Variants in MACROD2 observed in about 807,000 individuals in gnomAD.
MACROD2 encodes the protein mono-ADP ribosylhydrolase 2, also known as ADP-ribose glycohydrolase MACROD2.
MACROD2 carries 36 observed loss-of-function variants against 70.4 expected under a neutral mutation model. That is an observed-to-expected ratio of 0.51 (90% CI 0.39 to 0.68). The LOEUF (loss-of-function observed/expected upper bound fraction) is 0.68, where lower values mean the gene tolerates loss of function less well. Ranked by LOEUF, MACROD2 falls within the 30% of genes least tolerant of loss-of-function variation. The pLI, the probability that MACROD2 is intolerant of heterozygous loss-of-function variation, is 0.00. For synonymous variants in MACROD2, 172 were observed against 178.8 expected, an observed-to-expected ratio of 0.96 and a Z score of 0.30; for missense variants, 496 against 538.4, an observed-to-expected ratio of 0.92 and a Z score of 0.78.
At chr20:14,252,766 A>AT (rs539418188) in intron 3 of MACROD2, among the ~76,000 whole-genome samples, 166 of 151,922 alleles carry the variant, frequency 1.1e-3, no homozygotes, top group African/African-American at 3.8e-3. Flanking sequence ...TTTAAAATGG[A>AT]TTTTTTCTTC....
chr20:15,904,268 C>T (rs746312207), intron 10 of MACROD2, among the ~76,000 whole-genome samples: 2 of 152,188 alleles, frequency 1.3e-5, no homozygotes, highest in African/African-American at 2.4e-5. Context: ...ACCCTCCAGC[C>T]TCGGCCTCCC....
intron 3 of MACROD2, among the ~76,000 whole-genome samples, chr20:14,278,733 A>G (rs199715647): frequency 3.9e-5 from 6 of 152,338 alleles, no homozygotes; most frequent in East Asian, 3.9e-4. Context: ...TCAAAATACT[A>G]TCATTTTGAA....
chr20:15,581,950 C>T (rs1030809455), intron 8 of MACROD2, among the ~76,000 whole-genome samples: 3 of 152,080 alleles, frequency 2.0e-5, no homozygotes, highest in Non-Finnish European at 2.9e-5. Context: ...GGGGAAACCC[C>T]GTCTCTACTA....
intron 5 of MACROD2, among the ~76,000 whole-genome samples, chr20:15,007,278 G>A (rs999492237): frequency 2.6e-4 from 39 of 152,038 alleles, no homozygotes; most frequent in Admixed American, 2.6e-3. Context: ...GCAGGAGAAT[G>A]GCGTGAACCT....
intron 8 of MACROD2, among the ~76,000 whole-genome samples, chr20:15,588,029 G>A (rs1467359580): frequency 1.3e-5 from 2 of 152,206 alleles, no homozygotes; most frequent in Non-Finnish European, 2.9e-5. Flanking sequence ...ACTAGCAGAG[G>A]TTCTCCATGA....
At chr20:15,973,448 G>GA (rs2066260849) in intron 13 of MACROD2, among the ~76,000 whole-genome samples, 1 of 151,976 alleles carries the variant, frequency 6.6e-6, no homozygotes, top group East Asian at 1.9e-4. Context: ...GAATATCTCT[G>GA]AAAAATTGTA....
chr20:15,451,805 C>T (rs1037109149), intron 7 of MACROD2, among the ~76,000 whole-genome samples: 3 of 152,168 alleles, frequency 2.0e-5, no homozygotes, highest in East Asian at 1.9e-4. Context: ...ACAAACTGCT[C>T]GCTCTGCATC....
chr20:14,532,513 A>G (rs58141344), intron 4 of MACROD2, among the ~76,000 whole-genome samples: 15,735 of 152,006 alleles, frequency 0.1, 1,146 homozygotes, highest in South Asian at 0.33. Context: ...TTGAGCCACA[A>G]CTAATCATTT....
At chr20:14,479,142 C>G (rs2084632573) in intron 3 of MACROD2, among the ~76,000 whole-genome samples, 3 of 152,106 alleles carry the variant, frequency 2.0e-5, no homozygotes. Context: ...CTTGTTGAGA[C>G]AGGATGCCTC....
chr20:15,662,781 G>A (rs956813674), intron 8 of MACROD2, among the ~76,000 whole-genome samples: 6 of 150,986 alleles, frequency 4.0e-5, no homozygotes, highest in Non-Finnish European at 7.4e-5. Flanking sequence ...TTTTGAATTA[G>A]TGGCCAATAT....
At chr20:16,007,395 C>T (rs2066803442) in intron 15 of MACROD2, among the ~76,000 whole-genome samples, 1 of 152,156 alleles carries the variant, frequency 6.6e-6, no homozygotes, top group South Asian at 2.1e-4. Flanking sequence ...AAACTGCTGA[C>T]AACACCTTCA....
At chr20:14,724,264 G>A (rs1180516243) in intron 5 of MACROD2, among the ~76,000 whole-genome samples, 1 of 151,874 alleles carries the variant, frequency 6.6e-6, no homozygotes, top group East Asian at 1.9e-4. Context: ...GATTTGATTT[G>A]GGTATCAATC....
intron 6 of MACROD2, among the ~76,000 whole-genome samples, chr20:15,253,750 C>A (rs951487095): frequency 6.6e-6 from 1 of 152,136 alleles, no homozygotes; most frequent in Non-Finnish European, 1.5e-5. Flanking sequence ...AATCTTTATT[C>A]TTGCTTAGTG....
At chr20:15,395,576 C>T (rs1323691509) in intron 6 of MACROD2, among the ~76,000 whole-genome samples, 1 of 152,134 alleles carries the variant, frequency 6.6e-6, no homozygotes, top group Non-Finnish European at 1.5e-5. Context: ...TGAAAGCAGC[C>T]ACAGATAGTA....
At chr20:15,265,887 A>G (rs2077290139) in intron 6 of MACROD2, among the ~76,000 whole-genome samples, 1 of 152,198 alleles carries the variant, frequency 6.6e-6, no homozygotes, top group African/African-American at 2.4e-5. Context: ...CATTTTTCAA[A>G]GAATGACCCT....
intron 8 of MACROD2, among the ~76,000 whole-genome samples, chr20:15,791,387 T>TA (rs1005236119): frequency 2.6e-5 from 4 of 151,548 alleles, no homozygotes; most frequent in Non-Finnish European, 5.9e-5. Flanking sequence ...TCAATCTGTA[T>TA]AAAAAAAACC....
In MACROD2 at chr20:14,944,809, A is replaced by T. The variant is rs114002514; in HGVS notation, c.418+259850A>T. Among the ~76,000 whole-genome samples the T allele has an allele frequency of 5.3e-4, 81 of 152,218 alleles. 1 individual carries two copies. The South Asian group carries it at 0.016, about 30-fold the overall frequency. On this transcript the variant is annotated intron_variant, in intron 5 of 17. Coordinates refer to ENST00000684519, the MANE Select transcript of MACROD2 (RefSeq NM_001351661.2). ...TGCCCATAAGCCACTGAGAACCACC[A>T]GTCTGGTGTTGCTCTAGGATGAGGT...
At chr20:15,359,053 T>C (rs186540759) in intron 6 of MACROD2, among the ~76,000 whole-genome samples, 7 of 152,292 alleles carry the variant, frequency 4.6e-5, no homozygotes, top group African/African-American at 1.7e-4. Context: ...GTTAGGGGCC[T>C]ACGGAAGTGA....
chr20:16,014,485 G>C (rs182889724), intron 15 of MACROD2, among the ~76,000 whole-genome samples: 1 of 152,222 alleles, frequency 6.6e-6, no homozygotes, highest in South Asian at 2.1e-4. Flanking sequence ...GTCCTATGTG[G>C]ATTTGCAGAT....
Sources: gnomAD v4.1 joint callset for allele counts (sites outside exome capture counted in the v4.1 genomes callset) on GRCh38, gnomAD v4.1.1 for gene constraint, MANE v1.5 for transcripts, NCBI Gene and HGNC (gene_info 2026-07-23, HGNC 2026-07-21) for gene names.